CDK6: variants seen among roughly 807,000 people sequenced by gnomAD.
CDK6 encodes cyclin dependent kinase 6.
CDK6 carries 6 observed loss-of-function variants against 37.1 expected under a neutral mutation model. That is an observed-to-expected ratio of 0.16 (90% CI 0.09 to 0.32). CDK6 has a LOEUF of 0.32. Among genes scored for constraint, CDK6 ranks in the 10% least tolerant of loss-of-function variants. The pLI, the probability that CDK6 is intolerant of heterozygous loss-of-function variation, is 1.00. For synonymous variants in CDK6, 160 were observed against 161.3 expected (o/e 0.99, Z 0.06); for missense variants, 224 against 418.9 (o/e 0.53, Z 4.06).
Position 92,605,278 on chromosome 7 carries a change from T to A in CDK6, c.*9862A>T, listed in dbSNP as rs1271019854. On this transcript the variant is annotated 3_prime_UTR_variant, in exon 8 of 8. Transcript: ENST00000424848. ...AGTAAGACATCCAGTTTCCAAAGGATTATTGGTATGCAACCCTCTGAATTT... is the reference window on the plus strand; with the variant it reads ...AGTAAGACATCCAGTTTCCAAAGGAATATTGGTATGCAACCCTCTGAATTT... 8.6e-6 allele frequency: 2 copies of A among 233,232 alleles called. No homozygotes were observed. Among genetic ancestry groups the A allele is most frequent in the Non-Finnish European group, 1.7e-5 (2 of 117,866 alleles). The allele number at this position is 233,232 out of a possible 1,614,324, so 14.4% of individuals were successfully genotyped here.
At chr7:92,729,894 C>T (rs906544914) in intron 3 of CDK6, among the ~76,000 whole-genome samples, 1 of 152,062 alleles carries the variant, frequency 6.6e-6, no homozygotes, top group African/African-American at 2.4e-5. Flanking sequence ...TGTGTGTTAC[C>T]ATGCCTGGCT....
In CDK6 at chr7:92,607,953, C is replaced by T. The variant is rs1368733021; in HGVS notation, c.*7187G>A. On this transcript the variant is annotated 3_prime_UTR_variant, in exon 8 of 8. Coordinates refer to ENST00000424848, the MANE Select transcript of CDK6 (RefSeq NM_001145306.2). Reference sequence around the variant, plus strand: ...GCTGGGATTTGTTTTATTATTCAGACTTTAAGATCAAACTGAGAGTTGTTG... The same window carrying T: ...GCTGGGATTTGTTTTATTATTCAGATTTTAAGATCAAACTGAGAGTTGTTG... The T allele has an allele frequency of 8.6e-6, 2 of 233,280 alleles. No individual in the cohort carries two copies. The allele number at this position is 233,280 out of a possible 1,614,324, so 14.5% of individuals were successfully genotyped here.
chr7:92,638,690 G>A (rs971297799), intron 5 of CDK6, among the ~76,000 whole-genome samples: 7 of 152,102 alleles, frequency 4.6e-5, no homozygotes, highest in African/African-American at 1.4e-4. Context: ...ATGCCTTGAA[G>A]GAACATCACT....
At chr7:92,824,164 C>G (rs921117520) in intron 2 of CDK6, among the ~76,000 whole-genome samples, 4 of 150,184 alleles carry the variant, frequency 2.7e-5, no homozygotes, top group Admixed American at 2.7e-4. Context: ...AGCAAATTCA[C>G]TAAAGATTAG....
At chr7:92,635,159 T>A (rs1375816661) in intron 5 of CDK6, among the ~76,000 whole-genome samples, 1 of 152,200 alleles carries the variant, frequency 6.6e-6, no homozygotes, top group Admixed American at 6.5e-5. Flanking sequence ...GCACAGTTTA[T>A]TGCTACTTCC....
Position 92,607,265 on chromosome 7 carries a change from G to A in CDK6, c.*7875C>T. The A allele has an allele frequency of 4.3e-6, 1 of 233,754 alleles. No individual in the cohort carries two copies. 14.5% of individuals were successfully genotyped at this position (233,754 alleles called of 1,614,324 possible). A position where few individuals can be genotyped will look rare whatever the true frequency, so the allele number is the denominator to read the frequency against. Reference sequence around the variant, plus strand: ...GAAGCTTCTTCATGAGGGCAGACAAGAGGAGGCACCACCCAGGCACTGGTC... The same window carrying A: ...GAAGCTTCTTCATGAGGGCAGACAAAAGGAGGCACCACCCAGGCACTGGTC... On this transcript the variant is annotated 3_prime_UTR_variant, in exon 8 of 8. Coordinates refer to ENST00000424848, the MANE Select transcript of CDK6 (RefSeq NM_001145306.2).
intron 3 of CDK6, among the ~76,000 whole-genome samples, chr7:92,762,933 A>C (rs1433083525): frequency 6.6e-6 from 1 of 152,200 alleles, no homozygotes; most frequent in Non-Finnish European, 1.5e-5. Flanking sequence ...GCTTAATAGT[A>C]AACTTATCTT....
Position 92,791,036 on chromosome 7 carries a change from A to G in CDK6, c.234-16205T>C, listed in dbSNP as rs561530771. ...AAGTGTGGTAAGACCACCTGTAAGGAGACTGTTGCTGCAGTAGTACAGGGA... is the reference window on the plus strand; with the variant it reads ...AAGTGTGGTAAGACCACCTGTAAGGGGACTGTTGCTGCAGTAGTACAGGGA... On this transcript the variant is annotated intron_variant, in intron 2 of 7. Coordinates refer to ENST00000424848, the MANE Select transcript of CDK6 (RefSeq NM_001145306.2). Among the ~76,000 whole-genome samples the G allele has an allele frequency of 1.1e-4, 17 of 152,270 alleles. No homozygotes were observed. The East Asian group carries it at 2.5e-3, about 22-fold the overall frequency.
At chr7:92,729,491 G>A (rs762808652) in intron 3 of CDK6, among the ~76,000 whole-genome samples, 3 of 152,120 alleles carry the variant, frequency 2.0e-5, no homozygotes, top group Non-Finnish European at 4.4e-5. Flanking sequence ...CATGCGACTC[G>A]CAAGCATGTT....
Position 92,608,381 on chromosome 7 carries a change from G to T in CDK6, c.*6759C>A. 4.3e-6 allele frequency: 1 copy of T among 231,460 alleles called. No homozygotes were observed. The highest frequency in any genetic ancestry group is 8.5e-6 in the Non-Finnish European group (1 of 116,984). 14.3% of individuals were successfully genotyped at this position (231,460 alleles called of 1,614,324 possible). A position where few individuals can be genotyped will look rare whatever the true frequency, so the allele number is the denominator to read the frequency against. On this transcript the variant is annotated 3_prime_UTR_variant, in exon 8 of 8. Transcript: ENST00000424848. Reference sequence around the variant, plus strand: ...ACCTAACAAAGAAAAAGAGAGAAAAGAAACTGGAAGCTAAAGAATTGAGAG... The same window carrying T: ...ACCTAACAAAGAAAAAGAGAGAAAATAAACTGGAAGCTAAAGAATTGAGAG...
chr7:92,765,161 C>T (rs1371955330), intron 3 of CDK6, among the ~76,000 whole-genome samples: 1 of 152,064 alleles, frequency 6.6e-6, no homozygotes, highest in Non-Finnish European at 1.5e-5. Flanking sequence ...ACATGTATCA[C>T]TACAAAATTA....
intron 2 of CDK6, among the ~76,000 whole-genome samples, chr7:92,817,910 ATAAAT>A (rs1406133935): frequency 6.6e-6 from 1 of 151,986 alleles, no homozygotes; most frequent in African/African-American, 2.4e-5. Flanking sequence ...ATGCAAAGAG[ATAAAT>A]TTAATAAAAT....
chr7:92,666,816 C>T (rs549311583), intron 5 of CDK6, among the ~76,000 whole-genome samples: 1 of 152,172 alleles, frequency 6.6e-6, no homozygotes, highest in Non-Finnish European at 1.5e-5. Context: ...TTTGCTAATA[C>T]AAGACTCTGT....
chr7:92,709,853 C>T (rs1798047580), intron 4 of CDK6, among the ~76,000 whole-genome samples: 1 of 152,180 alleles, frequency 6.6e-6, no homozygotes, highest in Non-Finnish European at 1.5e-5. Context: ...ATTAAGGAAT[C>T]TAAGGAATCA....
At chr7:92,766,027 A>G (rs1192806050) in intron 3 of CDK6, among the ~76,000 whole-genome samples, 1 of 152,170 alleles carries the variant, frequency 6.6e-6, no homozygotes, top group Non-Finnish European at 1.5e-5. Flanking sequence ...CGTGGGCCCA[A>G]GGAAGAGTGG....
At chr7:92,728,168 A>T (rs1045035935) in intron 3 of CDK6, among the ~76,000 whole-genome samples, 2 of 152,230 alleles carry the variant, frequency 1.3e-5, no homozygotes, top group African/African-American at 4.8e-5. Flanking sequence ...AATTGCTAAG[A>T]TGTATAGATG....
intron 4 of CDK6, among the ~76,000 whole-genome samples, chr7:92,676,305 T>C (rs1289388739): frequency 6.6e-6 from 1 of 152,130 alleles, no homozygotes; most frequent in Non-Finnish European, 1.5e-5. Context: ...TTTATGGCTA[T>C]CTTTGAATGG....
chr7:92,829,828 A>C (rs879600252), intron 2 of CDK6, among the ~76,000 whole-genome samples: 3 of 152,248 alleles, frequency 2.0e-5, no homozygotes, highest in Admixed American at 2.0e-4. Flanking sequence ...TAACAAAACA[A>C]GGCAATTAAA....
intron 2 of CDK6, among the ~76,000 whole-genome samples, chr7:92,787,329 A>T (rs887780609): frequency 6.6e-6 from 1 of 152,088 alleles, no homozygotes; most frequent in African/African-American, 2.4e-5. Flanking sequence ...TTATTTAAAA[A>T]ATAAGAATCA....
Sources: gnomAD v4.1 joint callset for allele counts (sites outside exome capture counted in the v4.1 genomes callset) on GRCh38, gnomAD v4.1.1 for gene constraint, MANE v1.5 for transcripts, NCBI Gene and HGNC (gene_info 2026-07-23, HGNC 2026-07-21) for gene names.